Variants in TYRP1 observed in about 807,000 individuals in gnomAD.
TYRP1 encodes 5,6-dihydroxyindole-2-carboxylic acid oxidase.
TYRP1 carries 49 observed loss-of-function variants against 42.8 expected under a neutral mutation model. The ratio of observed to expected loss-of-function variants is 1.14; its 90% CI spans 0.91 to 1.45. The LOEUF (loss-of-function observed/expected upper bound fraction) is 1.45. Ranked by LOEUF, TYRP1 falls within the 40% of genes most tolerant of loss-of-function variation. TYRP1 has a pLI of 0.00. For missense variants in TYRP1, 848 were observed against 662.0 expected, an observed-to-expected ratio of 1.28 and a Z score of -3.08; for synonymous variants, 279 against 235.4, an observed-to-expected ratio of 1.19 and a Z score of -1.69.
At chr9:12,703,663 T>A (rs1418533101) in intron 5 of TYRP1, among the ~76,000 whole-genome samples, 1 of 151,656 alleles carries the variant, frequency 6.6e-6, no homozygotes, top group Non-Finnish European at 1.5e-5. Flanking sequence ...GGTGGCTAAA[T>A]AAGTGGCTAC....
chr9:12,695,469 C>G, intron 2 of TYRP1, 46 bp from the exon 3 acceptor site: 3 of 1,572,406 alleles, frequency 1.9e-6, no homozygotes, highest in Non-Finnish European at 1.8e-6. Context: ...CTCTACCCAT[C>G]CCCGCAAGGC....
At chr9:12,694,618 A>T in intron 2 of TYRP1, 1 of 563,668 alleles carries the variant, frequency 1.8e-6, no homozygotes, top group Non-Finnish European at 3.1e-6. Flanking sequence ...TTGAGCAACC[A>T]CTATATCCTA....
At chr9:12,695,470 C>G in intron 2 of TYRP1, 45 bp from the exon 3 acceptor site, 2 of 1,576,300 alleles carry the variant, frequency 1.3e-6, no homozygotes, top group African/African-American at 2.7e-5. Context: ...TCTACCCATC[C>G]CCGCAAGGCA....
Position 12,698,549 on chromosome 9 carries a change from A to G in TYRP1, c.807A>G (p.Arg269=), listed in dbSNP as rs1031656874. 1.2e-6 allele frequency: 2 copies of G among 1,613,892 alleles called. No homozygotes were observed. Among genetic ancestry groups the G allele is most frequent in the Admixed American group, 3.3e-5 (2 of 59,968 alleles). ...GCACGGATGACTTGATGGGATCCAG[A>G]AGCAACTTTGATTCCACTCTAATAA... is the stretch of plus-strand genomic sequence containing the variant. ...DICTDDLMGS[R]SNFDSTLISP... is the part of the protein sequence containing the mutation. Residue 269 remains arginine, a synonymous_variant, in exon 4 of 8, where the codon AGA becomes AGG. Coordinates refer to ENST00000388918, the MANE Select transcript of TYRP1 (RefSeq NM_000550.3).
intron 7 of TYRP1, among the ~76,000 whole-genome samples, chr9:12,708,500 A>G (rs777371780): frequency 6.6e-6 from 1 of 151,972 alleles, no homozygotes; most frequent in Non-Finnish European, 1.5e-5. Context: ...CCCATGGAAT[A>G]TGCCCCAATT....
At chr9:12,701,541 T>TAAGA (rs947742586) in intron 4 of TYRP1, 2 of 152,040 alleles carry the variant, frequency 1.3e-5, no homozygotes, top group African/African-American at 4.8e-5. Context: ...TTATTTCACC[T>TAAGA]AAGAAAATTT....
At chr9:12,705,420 T>C (rs1818242312) in intron 6 of TYRP1, among the ~76,000 whole-genome samples, 1 of 152,076 alleles carries the variant, frequency 6.6e-6, no homozygotes, top group African/African-American at 2.4e-5. Flanking sequence ...ATATTGTAGC[T>C]TAACTACCTA....
chr9:12,706,074 T>C (rs529866338), intron 6 of TYRP1, among the ~76,000 whole-genome samples: 1 of 152,200 alleles, frequency 6.6e-6, no homozygotes, highest in East Asian at 1.9e-4. Flanking sequence ...CATCCTTCTC[T>C]TTGTTTTACA....
chr9:12,701,205 C>A (rs949762755), intron 4 of TYRP1, among the ~76,000 whole-genome samples: 1 of 151,962 alleles, frequency 6.6e-6, no homozygotes, highest in Non-Finnish European at 1.5e-5. Flanking sequence ...ACTTTCTTAT[C>A]TTGATACTTG....
At chr9:12,698,913 T>G (rs1015305148) in intron 4 of TYRP1, among the ~76,000 whole-genome samples, 1 of 152,120 alleles carries the variant, frequency 6.6e-6, no homozygotes, top group African/African-American at 2.4e-5. Context: ...TTGCTAACTT[T>G]CTTATTTTGG....
intron 2 of TYRP1, 32 bp downstream of exon 2, chr9:12,694,413 C>T: frequency 6.2e-7 from 1 of 1,611,548 alleles, no homozygotes; most frequent in African/African-American, 1.3e-5. Context: ...TTCATAAGTC[C>T]TGCATGAGAC....
chr9:12,708,907 C>T, intron 7 of TYRP1, 70 bp from the exon 8 acceptor site: 1 of 1,349,444 alleles, frequency 7.4e-7, no homozygotes. Flanking sequence ...TTCTAAATTT[C>T]ATCTGTCCAC....
At chr9:12,706,324 T>G (rs755995106) in intron 6 of TYRP1, among the ~76,000 whole-genome samples, 9 of 151,992 alleles carry the variant, frequency 5.9e-5, no homozygotes, top group African/African-American at 1.2e-4. Context: ...TAAGTGGAGT[T>G]TTCTTTCACC....
Position 12,695,687 on chromosome 9 carries a change from C to T in TYRP1, c.558C>T (p.Asn186=). 2 of 1,614,170 alleles carry T rather than the reference C, an allele frequency of 1.2e-6. No individual in the cohort carries two copies. Among genetic ancestry groups the T allele is most frequent in the Non-Finnish European group, 1.7e-6 (2 of 1,180,028 alleles). Residue 186 remains asparagine, a synonymous_variant, in exon 3 of 8, where the codon AAC becomes AAT. Transcript: ENST00000388918. ...TPQFENISIY[N]YFVWTHYYSV... is the part of the protein sequence containing the mutation. ...AATTTGAGAACATTTCCATTTATAA[C>T]TACTTTGTTTGGACACACTATTACT...
Position 12,695,686 on chromosome 9 carries a change from A to G in TYRP1, c.557A>G (p.Asn186Ser). 6.2e-7 allele frequency: 1 copy of G among 1,614,186 alleles called. No individual in the cohort carries two copies. Among genetic ancestry groups the G allele is most frequent in the Non-Finnish European group, 8.5e-7 (1 of 1,180,030 alleles). The change falls in exon 3 of 8, where the codon AAC becomes AGC. Residue 186 changes from asparagine to serine, a missense_variant. Transcript: ENST00000388918. ...CAATTTGAGAACATTTCCATTTATA[A>G]CTACTTTGTTTGGACACACTATTAC... ...TPQFENISIY[N>S]YFVWTHYYSV...
At chr9:12,700,153 G>A (rs1267725205) in intron 4 of TYRP1, 1 of 152,042 alleles carries the variant, frequency 6.6e-6, no homozygotes, top group Non-Finnish European at 1.5e-5. Context: ...GATATAGTAT[G>A]AAATGCATTG....
chr9:12,694,644 A>G (rs1818047795), intron 2 of TYRP1, among the ~76,000 whole-genome samples: 1 of 152,204 alleles, frequency 6.6e-6, no homozygotes, highest in Non-Finnish European at 1.5e-5. Context: ...TGTGTTAGGT[A>G]TTATGACTAG....
Position 12,702,303 on chromosome 9 carries a change from G to A in TYRP1, c.946G>A (p.Ala316Thr). The A allele has an allele frequency of 6.2e-7, 1 of 1,613,148 alleles. No individual in the cohort carries two copies. Among genetic ancestry groups the A allele is most frequent in the South Asian group, 1.1e-5 (1 of 91,066 alleles). The change falls in exon 5 of 8, where the codon GCT (alanine) becomes ACT (threonine). Residue 316 changes from alanine to threonine, a missense_variant. Ala to Thr is a moderately conservative substitution (Grantham distance 58). Transcript: ENST00000388918. ...TEDGPIRRNP[A>T]GNVARPMVQR... The stretch of plus-strand genomic sequence containing the variant: ...GGATGGGCCAATTAGGAGAAATCCA[G>A]CTGGAAATGTGGCCAGACCAATGGT...
rs987218756 is a variant in TYRP1, at chr9:12,709,683, T to TTGA, written c.*503_*505dup. 1.9e-5 allele frequency: 3 copies of TTGA among 161,978 alleles called. No homozygotes were observed. Among genetic ancestry groups the TTGA allele is most frequent in the Non-Finnish European group, 2.7e-5 (2 of 73,360 alleles). 10.0% of individuals were successfully genotyped at this position (161,978 alleles called of 1,614,324 possible). On this transcript the variant is annotated 3_prime_UTR_variant, in exon 8 of 8. Transcript: ENST00000388918. ...TGTGTAGTTATAAACCAATGAAATT[T>TTGA]TGATTAACCTTTTCAAATTAATGTT... is the stretch of plus-strand genomic sequence containing the variant.
Sources: gnomAD v4.1 joint callset for allele counts (sites outside exome capture counted in the v4.1 genomes callset) on GRCh38, gnomAD v4.1.1 for gene constraint, MANE v1.5 for transcripts, NCBI Gene and HGNC (gene_info 2026-07-23, HGNC 2026-07-21) for gene names.